Variants in TMEM232 observed in about 807,000 individuals in gnomAD.
The protein encoded by TMEM232 is transmembrane protein 232.
A neutral mutation model predicts 78.8 loss-of-function variants in TMEM232; 80 were observed. That is an observed-to-expected ratio of 1.01 (90% CI 0.85 to 1.22). The LOEUF (loss-of-function observed/expected upper bound fraction) is 1.22. TMEM232 is among the 50% of genes most tolerant of loss of function. The pLI, the probability that TMEM232 is intolerant of heterozygous loss-of-function variation, is 0.00. For missense variants in TMEM232, 881 were observed against 742.2 expected, an observed-to-expected ratio of 1.19 and a Z score of -2.17; for synonymous variants, 297 against 254.3, an observed-to-expected ratio of 1.17 and a Z score of -1.60.
intron 8 of TMEM232, among the ~76,000 whole-genome samples, chr5:110,617,175 A>G (rs1016943036): frequency 2.0e-5 from 3 of 152,224 alleles, no homozygotes; most frequent in Non-Finnish European, 4.4e-5. Context: ...ATAGTACAGA[A>G]AAATAAATAC....
intron 12 of TMEM232, among the ~76,000 whole-genome samples, chr5:110,438,534 G>A (rs1306746636): frequency 6.6e-6 from 1 of 151,736 alleles, no homozygotes; most frequent in African/African-American, 2.4e-5. Flanking sequence ...TTTCTATAAG[G>A]TTCTTTTATT....
At chr5:110,416,147 C>T (rs998948656), downstream of TMEM232, among the ~76,000 whole-genome samples, 1 of 152,158 alleles carries the variant, frequency 6.6e-6, no homozygotes, top group East Asian at 1.9e-4. Context: ...GCATTTTGCT[C>T]TAAGTTTCCA....
At chr5:110,730,792 A>T (rs890201389), upstream of TMEM232, among the ~76,000 whole-genome samples, 4 of 152,202 alleles carry the variant, frequency 2.6e-5, no homozygotes, top group Non-Finnish European at 5.9e-5. Flanking sequence ...ATATAATTCA[A>T]GTTAAGATTT....
At chr5:110,596,321 T>A (rs187584217) in intron 10 of TMEM232, among the ~76,000 whole-genome samples, 1 of 152,074 alleles carries the variant, frequency 6.6e-6, no homozygotes, top group South Asian at 2.1e-4. Flanking sequence ...CAGGAAGAAG[T>A]TGAATCTCTG....
chr5:110,408,060 A>G (rs180893954), intron 2 of TMEM232, among the ~76,000 whole-genome samples: 2 of 152,216 alleles, frequency 1.3e-5, no homozygotes, highest in African/African-American at 4.8e-5. Flanking sequence ...ACCAAAATCT[A>G]TGGGATACAA....
chr5:110,428,827 C>T (rs1024642252), intron 12 of TMEM232, among the ~76,000 whole-genome samples: 3 of 151,732 alleles, frequency 2.0e-5, no homozygotes, highest in Non-Finnish European at 2.9e-5. Flanking sequence ...CTCACTCTCT[C>T]TCCAAAGAAG....
chr5:110,737,623 T>C (rs1799323723), intron 1 of TMEM232, among the ~76,000 whole-genome samples: 2 of 152,218 alleles, frequency 1.3e-5, no homozygotes, highest in East Asian at 1.9e-4. Context: ...GGACTTTTTA[T>C]ATGATATTAT....
intron 12 of TMEM232, among the ~76,000 whole-genome samples, chr5:110,501,127 C>A (rs1766217630): frequency 6.6e-6 from 1 of 152,036 alleles, no homozygotes; most frequent in Admixed American, 6.6e-5. Context: ...ATGGCTCCAG[C>A]AAGCAAAAAT....
intron 2 of TMEM232, among the ~76,000 whole-genome samples, chr5:110,661,886 CTGA>C (rs1789854271): frequency 6.6e-6 from 1 of 152,078 alleles, no homozygotes; most frequent in South Asian, 2.1e-4. Context: ...TTACATTTAT[CTGA>C]TGATTAGTGA....
At chr5:110,622,848 G>T (rs936261153) in intron 7 of TMEM232, among the ~76,000 whole-genome samples, 1 of 149,052 alleles carries the variant, frequency 6.7e-6, no homozygotes, top group Non-Finnish European at 1.5e-5. Flanking sequence ...GTTGTGGGGT[G>T]TGGGGAGGGG....
At chr5:110,574,176 T>G (rs1777296835) in intron 10 of TMEM232, among the ~76,000 whole-genome samples, 1 of 152,098 alleles carries the variant, frequency 6.6e-6, no homozygotes, top group South Asian at 2.1e-4. Context: ...CTACATTAGC[T>G]CTCTAGACTT....
At chr5:110,664,875 C>T (rs937139546) in intron 2 of TMEM232, among the ~76,000 whole-genome samples, 2 of 152,232 alleles carry the variant, frequency 1.3e-5, no homozygotes, top group African/African-American at 4.8e-5. Context: ...AATACCATCA[C>T]ATTGGGTTAC....
downstream of TMEM232, among the ~76,000 whole-genome samples, chr5:110,418,982 G>T (rs151252092): frequency 1.3e-5 from 2 of 152,160 alleles, no homozygotes; most frequent in African/African-American, 4.8e-5. Context: ...GTTTGGTAAG[G>T]CTCATGTCAC....
intron 5 of TMEM232, among the ~76,000 whole-genome samples, chr5:110,631,089 C>T (rs927303649): frequency 6.6e-5 from 10 of 152,090 alleles, no homozygotes; most frequent in African/African-American, 2.4e-4. Context: ...ATCCCAGGAG[C>T]CCCAACTGAC....
intron 12 of TMEM232, among the ~76,000 whole-genome samples, chr5:110,527,647 A>C (rs1436922594): frequency 6.6e-6 from 1 of 151,960 alleles, no homozygotes; most frequent in Non-Finnish European, 1.5e-5. Flanking sequence ...AGCAGGTACA[A>C]TGAACAACAA....
chr5:110,664,436 T>C (rs904500527), intron 2 of TMEM232, among the ~76,000 whole-genome samples: 7 of 152,280 alleles, frequency 4.6e-5, no homozygotes, highest in African/African-American at 1.7e-4. Flanking sequence ...TATATTAAAG[T>C]AGAAAAATGA....
intron 12 of TMEM232, among the ~76,000 whole-genome samples, chr5:110,451,868 T>C (rs550572970): frequency 1.3e-5 from 2 of 152,184 alleles, no homozygotes; most frequent in South Asian, 4.1e-4. Flanking sequence ...ATGATATCTT[T>C]TTTAAATACA....
Position 110,645,878 on chromosome 5 carries a change from G to A in TMEM232, c.126-3507C>T, listed in dbSNP as rs1171286299. ...ATTCAATAAAGTTACAGGATAAAAA[G>A]GGAACATACAATAATCAGTAACATT... is the stretch of plus-strand genomic sequence containing the variant. On this transcript the variant is annotated intron_variant, in intron 2 of 13. Transcript: ENST00000455884. Among the ~76,000 whole-genome samples, 10 of 151,376 alleles carry A rather than the reference G, an allele frequency of 6.6e-5. 1 individual carries two copies. The highest frequency in any genetic ancestry group is 5.9e-4 in the Admixed American group (9 of 15,148).
At chr5:110,434,972 A>G (rs781064644) in intron 12 of TMEM232, among the ~76,000 whole-genome samples, 4 of 152,040 alleles carry the variant, frequency 2.6e-5, no homozygotes, top group Non-Finnish European at 5.9e-5. Context: ...CCCAGCCAAC[A>G]ACCTACTGAA....
Sources: allele counts gnomAD v4.1 joint callset (sites outside exome capture counted in the v4.1 genomes callset), GRCh38; gene constraint gnomAD v4.1.1; transcripts MANE v1.5; gene names NCBI Gene and HGNC (gene_info 2026-07-23, HGNC 2026-07-21).